The following DLGAP1 variants were observed in gnomAD, a reference collection of about 807,000 sequenced individuals.
DLGAP1 encodes the protein disks large-associated protein 1.
In DLGAP1, 11 loss-of-function variants were observed where a neutral mutation model predicts 90.8. That is an observed-to-expected ratio of 0.12 (90% confidence interval 0.08 to 0.20). The LOEUF is 0.20. Among genes scored for constraint, DLGAP1 ranks in the 10% least tolerant of loss-of-function variants. The pLI is 1.00. For missense variants in DLGAP1, 1,050 were observed against 1,333.8 expected (o/e 0.79, Z 3.31); for synonymous variants, 558 against 540.7 (o/e 1.03, Z -0.44).
chr18:4,359,963 A>G (rs74831089), intron 1 of DLGAP1, among the ~76,000 whole-genome samples: 1,685 of 152,332 alleles, frequency 0.011, 26 homozygotes, highest in African/African-American at 0.036. Flanking sequence ...AAAAATTAGT[A>G]TCAAATATGA....
chr18:4,349,064 C>G (rs982264296), intron 1 of DLGAP1, among the ~76,000 whole-genome samples: 1 of 151,942 alleles, frequency 6.6e-6, no homozygotes, highest in South Asian at 2.1e-4. Context: ...TTATTAGCTA[C>G]AAGGGAAAAA....
intron 3 of DLGAP1, among the ~76,000 whole-genome samples, chr18:3,980,562 C>A (rs79778230): frequency 0.012 from 1,861 of 152,252 alleles, 31 homozygotes; most frequent in African/African-American, 0.042. Flanking sequence ...AATACCAGAG[C>A]TTTGCTTAGA....
At chr18:3,947,604 T>C (rs1244119913) in intron 3 of DLGAP1, among the ~76,000 whole-genome samples, 1 of 152,222 alleles carries the variant, frequency 6.6e-6, no homozygotes, top group Non-Finnish European at 1.5e-5. Context: ...CTGTAAGACG[T>C]TGAAAATACT....
At chr18:3,754,868 C>T (rs946783086) in intron 5 of DLGAP1, among the ~76,000 whole-genome samples, 11 of 151,638 alleles carry the variant, frequency 7.3e-5, no homozygotes, top group Admixed American at 5.9e-4. Flanking sequence ...TACATTCCAG[C>T]GTGGCGACAG....
chr18:4,408,980 AACACACAC>A (rs34298940), intron 1 of DLGAP1, among the ~76,000 whole-genome samples: 1 of 150,036 alleles, frequency 6.7e-6, no homozygotes, highest in Non-Finnish European at 1.5e-5. Flanking sequence ...CACACACACA[AACACACAC>A]ACACACACAC....
At position 3,637,362 on chromosome 18, in the gene DLGAP1, C is replaced by T. The variant is rs532941656; in HGVS notation, c.1592-55114G>A. Among the ~76,000 whole-genome samples, 11 of 152,108 alleles carry T rather than the reference C, an allele frequency of 7.2e-5. No homozygotes were observed. In the South Asian group the frequency reaches 1.0e-3, roughly 14 times the overall value. On this transcript the variant is annotated intron_variant, in intron 7 of 12. Transcript: ENST00000315677. ...TCCTCTTGTTTGCCTTCTAGAAACA[C>T]GTTTAGTTTATTTGGTAAAGGAGAC...
intron 7 of DLGAP1, among the ~76,000 whole-genome samples, chr18:3,619,405 CT>C (rs1309641773): frequency 6.6e-6 from 1 of 152,216 alleles, no homozygotes; most frequent in Non-Finnish European, 1.5e-5. Context: ...GGCAGGGGCG[CT>C]GCTGACCTGC....
intron 10 of DLGAP1, among the ~76,000 whole-genome samples, chr18:3,511,950 T>A (rs2050568306): frequency 6.6e-6 from 1 of 152,140 alleles, no homozygotes; most frequent in Non-Finnish European, 1.5e-5. Flanking sequence ...ACTGGGGCAA[T>A]CTCACCAGCA....
At chr18:3,976,591 C>A (rs1464408867) in intron 3 of DLGAP1, among the ~76,000 whole-genome samples, 1 of 151,918 alleles carries the variant, frequency 6.6e-6, no homozygotes, top group Non-Finnish European at 1.5e-5. Context: ...TAAATCTATA[C>A]CTATGTCAAG....
intron 1 of DLGAP1, chr18:4,295,479 A>T (rs2079958100): frequency 6.6e-6 from 1 of 152,198 alleles, no homozygotes; most frequent in Non-Finnish European, 1.5e-5. Context: ...TTAGAAGCTT[A>T]AAAAAAGATT....
At chr18:4,280,177 A>T (rs2079516387) in intron 1 of DLGAP1, among the ~76,000 whole-genome samples, 1 of 152,234 alleles carries the variant, frequency 6.6e-6, no homozygotes, top group Admixed American at 6.5e-5. Context: ...TGATTAAAAA[A>T]ATGTAAGCAT....
At chr18:4,385,431 T>G (rs1644718657) in intron 1 of DLGAP1, among the ~76,000 whole-genome samples, 1 of 152,138 alleles carries the variant, frequency 6.6e-6, no homozygotes, top group African/African-American at 2.4e-5. Context: ...GATATTTGTT[T>G]TTCATTCTTT....
intron 10 of DLGAP1, among the ~76,000 whole-genome samples, chr18:3,516,620 A>G (rs940982039): frequency 9.9e-5 from 15 of 152,230 alleles, no homozygotes; most frequent in Non-Finnish European, 2.2e-4. Context: ...GCGATGCTTA[A>G]TGGACTCACA....
At chr18:4,319,541 G>A (rs1246290798) in intron 1 of DLGAP1, among the ~76,000 whole-genome samples, 4 of 152,164 alleles carry the variant, frequency 2.6e-5, no homozygotes, top group Non-Finnish European at 5.9e-5. Context: ...TCTTGAAGAT[G>A]ACTATTGTAG....
chr18:4,092,598 C>T (rs2143770885), intron 2 of DLGAP1, among the ~76,000 whole-genome samples: 2 of 152,218 alleles, frequency 1.3e-5, no homozygotes, highest in Non-Finnish European at 2.9e-5. Context: ...TTTCCTTAAC[C>T]AAAATGGGTC....
intron 7 of DLGAP1, among the ~76,000 whole-genome samples, chr18:3,643,927 G>A (rs2146346866): frequency 6.6e-6 from 1 of 152,234 alleles, no homozygotes; most frequent in South Asian, 2.1e-4. Context: ...AAAAAAGCAT[G>A]CATGCTTTCT....
At chr18:3,579,296 C>T (rs1012712432) in intron 8 of DLGAP1, among the ~76,000 whole-genome samples, 4 of 152,204 alleles carry the variant, frequency 2.6e-5, no homozygotes, top group African/African-American at 4.8e-5. Context: ...CCGCAACCTC[C>T]GTCTATCGGG....
intron 2 of DLGAP1, among the ~76,000 whole-genome samples, chr18:4,095,466 T>C (rs147684033): frequency 0.011 from 1,648 of 152,292 alleles, 32 homozygotes; most frequent in South Asian, 0.043. Context: ...CAAATTGTAC[T>C]TCCTTTTCCA....
At chr18:4,056,634 C>G (rs1334413818) in intron 2 of DLGAP1, among the ~76,000 whole-genome samples, 1 of 152,044 alleles carries the variant, frequency 6.6e-6, no homozygotes, top group Non-Finnish European at 1.5e-5. Flanking sequence ...TCACTGAAAC[C>G]AAAGTAAGTC....
Sources: allele counts gnomAD v4.1 joint callset (sites outside exome capture counted in the v4.1 genomes callset), GRCh38; gene constraint gnomAD v4.1.1; transcripts MANE v1.5; gene names NCBI Gene and HGNC (gene_info 2026-07-23, HGNC 2026-07-21).